Variants in CAPN15 observed in about 807,000 individuals in gnomAD.
CAPN15 encodes calpain 15, also known as calpain-15.
CAPN15 carries 53 observed loss-of-function variants against 97.9 expected under a neutral mutation model. The ratio of observed to expected loss-of-function variants is 0.54; its 90% CI spans 0.43 to 0.68. The LOEUF is 0.68. Among genes scored for constraint, CAPN15 ranks in the 30% least tolerant of loss-of-function variants. The pLI, the probability that CAPN15 is intolerant of heterozygous loss-of-function variation, is 0.00. For missense variants in CAPN15, 1,592 were observed against 1,589.8 expected (o/e 1.00, Z -0.02); for synonymous variants, 922 against 722.5 (o/e 1.28, Z -4.43).
chr16:551,272 C>G (rs202013978), intron 7 of CAPN15, 30 bp from the exon 8 acceptor site: 103 of 1,552,038 alleles, frequency 6.6e-5, no homozygotes, highest in Non-Finnish European at 1.0e-5. Flanking sequence ...GGTGAGGGTC[C>G]CGGTCGGTGA....
chr16:547,724 A>G lies in CAPN15; in HGVS notation c.886A>G (p.Ser296Gly). 6.2e-7 allele frequency: 1 copy of G among 1,601,896 alleles called. No individual in the cohort carries two copies. Residue 296 changes from serine (S) to glycine (G), a missense_variant, in exon 4 of 14, where the codon AGT becomes GGT. Coordinates refer to ENST00000219611, the MANE Select transcript of CAPN15 (RefSeq NM_005632.3). ...LAELLSGKRL[S>G]VLEEEATEGG... ...AGAGTTGCTGTCTGGCAAGCGGCTG[A>G]GTGTGCTGGAGGAAGAGGCCACGGA...
chr16:551,187 C>CG (rs2035043475), intron 7 of CAPN15, 115 bp from the exon 8 acceptor site: 1 of 1,359,898 alleles, frequency 7.4e-7, no homozygotes, highest in Non-Finnish European at 9.6e-7. Context: ...TCGGTGAGGG[C>CG]CCCGGTCGGT....
At chr16:530,313 G>T (rs747402299) in intron 1 of CAPN15, among the ~76,000 whole-genome samples, 5 of 152,216 alleles carry the variant, frequency 3.3e-5, no homozygotes, top group Non-Finnish European at 5.9e-5. Flanking sequence ...AGTGTCTAGC[G>T]CTATGCAGCC....
chr16:539,745 C>G (rs2033984296), intron 3 of CAPN15: 1 of 152,386 alleles, frequency 6.6e-6, no homozygotes, highest in South Asian at 2.1e-4. Flanking sequence ...TCCCTACGCC[C>G]TCTGCTACCT....
At chr16:545,763 A>G (rs942067996) in intron 3 of CAPN15, among the ~76,000 whole-genome samples, 1 of 152,234 alleles carries the variant, frequency 6.6e-6, no homozygotes, top group Non-Finnish European at 1.5e-5. Flanking sequence ...ACCTGCGGTC[A>G]GCGGGGTGCA....
At chr16:530,880 C>T (rs2033200337) in intron 1 of CAPN15, among the ~76,000 whole-genome samples, 1 of 152,230 alleles carries the variant, frequency 6.6e-6, no homozygotes, top group South Asian at 2.1e-4. Context: ...CCGCCCTCCC[C>T]AGAACTCATC....
In CAPN15 at chr16:535,042, G is replaced by A. The variant is rs2033604975; in HGVS notation, c.-136-987G>A. 6.6e-6 allele frequency among the ~76,000 whole-genome samples: 1 copy of A among 152,122 alleles called. No individual in the cohort carries two copies. The highest frequency in any genetic ancestry group is 1.5e-5 in the Non-Finnish European group (1 of 67,998). ...TGTATGCGGAGTGGACACAGCTGTG[G>A]GTGCCGCCCGCGCAAGGCTGGGGGT... On this transcript the variant is annotated intron_variant, in intron 2 of 13. Coordinates refer to ENST00000219611, the MANE Select transcript of CAPN15 (RefSeq NM_005632.3). The surrounding 1 kb of genome is among the most constrained non-coding windows in gnomAD (Gnocchi z 6.2).
In CAPN15 at chr16:553,706, GCCTGGCCAGGCCT is replaced by G; in HGVS notation, c.*198_*210del. 2.1e-6 allele frequency: 1 copy of G among 474,020 alleles called. No individual in the cohort carries two copies. The allele number at this position is 474,020 out of a possible 1,614,324, so 29.4% of individuals were successfully genotyped here. On this transcript the variant is annotated 3_prime_UTR_variant, in exon 14 of 14. Coordinates refer to ENST00000219611, the MANE Select transcript of CAPN15 (RefSeq NM_005632.3). ...TTCCCCTCCCTGAACCCCACAGTCCGCCTGGCCAGGCCTCCTGGCCGCCACGCAGAATACCTCG... is the reference window on the plus strand; with the variant it reads ...TTCCCCTCCCTGAACCCCACAGTCCGCCTGGCCGCCACGCAGAATACCTCG...
At chr16:544,322 G>A (rs919509221) in intron 3 of CAPN15, among the ~76,000 whole-genome samples, 1 of 152,094 alleles carries the variant, frequency 6.6e-6, no homozygotes, top group South Asian at 2.1e-4. Context: ...GGGCTGCCCC[G>A]GCCGGACGGG....
In CAPN15 at chr16:551,653, C is replaced by G; in HGVS notation, c.2334C>G (p.Gly778=). The G allele has an allele frequency of 6.3e-7, 1 of 1,592,824 alleles. No individual in the cohort carries two copies. The highest frequency in any genetic ancestry group is 1.3e-5 in the African/African-American group (1 of 74,850). ...SSEGVFWMEY[G]DFVRYFDSVD... is the part of the protein sequence containing the mutation. ...AGGGTGTCTTCTGGATGGAGTACGG[C>G]GACTTTGTCAGGTATCGGCACCGTG... Residue 778 remains glycine, a synonymous_variant, in exon 9 of 14, where the codon GGC becomes GGG. Coordinates refer to ENST00000219611, the MANE Select transcript of CAPN15 (RefSeq NM_005632.3).
Position 544,193 on chromosome 16 carries a change from C to T in CAPN15, c.-22-2624C>T, listed in dbSNP as rs186656703. Among the ~76,000 whole-genome samples, 1,302 of 152,288 alleles carry T rather than the reference C, an allele frequency of 8.5e-3. 4 individuals carry two copies. The highest frequency in any genetic ancestry group is 0.015 in the Non-Finnish European group (989 of 68,000). On this transcript the variant is annotated intron_variant, in intron 3 of 13. Transcript: ENST00000219611. Reference sequence around the variant, plus strand: ...AGCTCGAGGGAGGCACCACGCCTGCCCCTCAGAGCACTGAGCAGAGCCCCC... The same window carrying T: ...AGCTCGAGGGAGGCACCACGCCTGCTCCTCAGAGCACTGAGCAGAGCCCCC...
rs1412939871 is a variant in CAPN15 at position 554,302 on chromosome 16, C to T, written c.*786C>T. 8.5e-6 allele frequency: 3 copies of T among 353,322 alleles called. No homozygotes were observed. The Admixed American group carries it at 1.1e-4, about 13-fold the overall frequency. The allele number at this position is 353,322 out of a possible 1,614,324, so 21.9% of individuals were successfully genotyped here. A position where few individuals can be genotyped will look rare whatever the true frequency, so the allele number is the denominator to read the frequency against. ...GGCAGGGCTCAGCCGCTCCCACCTCCCCACAGAAGCCCAGGAGTGTGTGGA... is the reference window on the plus strand; with the variant it reads ...GGCAGGGCTCAGCCGCTCCCACCTCTCCACAGAAGCCCAGGAGTGTGTGGA... On this transcript the variant is annotated 3_prime_UTR_variant, in exon 14 of 14. Transcript: ENST00000219611.
In CAPN15 at chr16:549,160, G is replaced by C. The variant is rs964303091; in HGVS notation, c.1617G>C (p.Leu539=). 29 of 1,558,554 alleles carry C rather than the reference G, an allele frequency of 1.9e-5. No individual in the cohort carries two copies. The highest frequency in any genetic ancestry group is 2.4e-5 in the Non-Finnish European group (28 of 1,148,162). Residue 539 remains leucine, a synonymous_variant, in exon 5 of 14, where the codon CTG becomes CTC. Coordinates refer to ENST00000219611, the MANE Select transcript of CAPN15 (RefSeq NM_005632.3). Reference sequence around the variant, plus strand: ...CCACGTGGTCTGTGTTCCACACACTGCGGCCCTCAGACATCCTGCAGGGGC... The same window carrying C: ...CCACGTGGTCTGTGTTCCACACACTCCGGCCCTCAGACATCCTGCAGGGGC... ...HRATWSVFHT[L]RPSDILQGLL...
intron 1 of CAPN15, among the ~76,000 whole-genome samples, chr16:530,036 A>G (rs142146023): frequency 5.7e-4 from 87 of 152,352 alleles, no homozygotes; most frequent in African/African-American, 2.0e-3. Flanking sequence ...TTCTCTGCCT[A>G]AAGCCCTTCC....
chr16:545,959 G>T (rs1567147581), intron 3 of CAPN15, among the ~76,000 whole-genome samples: 1 of 152,244 alleles, frequency 6.6e-6, no homozygotes, highest in Non-Finnish European at 1.5e-5. Context: ...GTGATGGCGG[G>T]GAGAGGCCTG....
rs1322482394 is a variant in CAPN15, at chr16:527,757, G to A, written c.-462G>A. 1.3e-5 allele frequency: 2 copies of A among 150,156 alleles called. No individual in the cohort carries two copies. The highest frequency in any genetic ancestry group is 4.9e-5 in the African/African-American group (2 of 41,196). The allele number at this position is 150,156 out of a possible 1,614,324, so 9.3% of individuals were successfully genotyped here. A position where few individuals can be genotyped will look rare whatever the true frequency, so the allele number is the denominator to read the frequency against. ...ACAGCGCCGCGTGCGCCCCGGGCGC[G>A]CCGTAGCCGCGGGGCCCGGGCCGGG... On this transcript the variant is annotated 5_prime_UTR_variant, in exon 1 of 14. Transcript: ENST00000219611.
rs1049498806 is a variant in CAPN15, at chr16:552,552, C to T, written c.2737+22C>T. 26 of 1,581,488 alleles carry T rather than the reference C, an allele frequency of 1.6e-5. No homozygotes were observed. Among genetic ancestry groups the T allele is most frequent in the Non-Finnish European group, 2.1e-5 (25 of 1,168,020 alleles). On this transcript the variant is annotated intron_variant, in intron 11 of 13. Transcript: ENST00000219611. This position sits in a 1 kb window ranked among gnomAD's most constrained non-coding sequence, Gnocchi z 6.4. ...CAGGGTACGTGGCCCCTACCCCAGG[C>T]TCATGCCCCAGGCCCACGGGGAGGG...
rs1175217266 is a variant in CAPN15, at chr16:547,939, A to C, written c.1101A>C (p.Lys367Asn). The C allele has an allele frequency of 6.2e-7, 1 of 1,601,392 alleles. No individual in the cohort carries two copies. The highest frequency in any genetic ancestry group is 8.5e-7 in the Non-Finnish European group (1 of 1,174,964). Reference sequence around the variant, plus strand: ...GGTGCTCGGCCTGCGGCTGCTCCAAACTGCACGGCTTCCAGGAGCATGGCG... The same window carrying C: ...GGTGCTCGGCCTGCGGCTGCTCCAACCTGCACGGCTTCCAGGAGCATGGCG... ...APRCSACGCS[K>N]LHGFQEHGEP... The change falls in exon 4 of 14, where the codon AAA becomes AAC. Residue 367 changes from lysine (K) to asparagine (N), a missense_variant. Lys to Asn is a moderately conservative substitution (Grantham distance 94, BLOSUM62 0). Transcript: ENST00000219611.
intron 1 of CAPN15, among the ~76,000 whole-genome samples, chr16:530,187 T>C (rs1476162912): frequency 6.6e-6 from 1 of 152,220 alleles, no homozygotes. Flanking sequence ...ACCCTGTAGC[T>C]GGTCCCTGGC....
Sources: allele counts gnomAD v4.1 joint callset (sites outside exome capture counted in the v4.1 genomes callset), GRCh38; gene constraint gnomAD v4.1.1; non-coding constraint Gnocchi (gnomAD v3.1); transcripts MANE v1.5; gene names NCBI Gene and HGNC (gene_info 2026-07-23, HGNC 2026-07-21).